Variants in GALNT13 observed in about 807,000 individuals in gnomAD.
GALNT13 encodes the protein polypeptide N-acetylgalactosaminyltransferase 13, also known as UDP-GalNAc:polypeptide N-acetylgalactosaminyltransferase 13.
A neutral mutation model predicts 64.2 loss-of-function variants in GALNT13; 28 were observed. The observed-to-expected ratio is 0.44, with a 90% CI of 0.32 to 0.60. The LOEUF is 0.60. Among genes scored for constraint, GALNT13 ranks in the 20% least tolerant of loss-of-function variants. The pLI is 0.05. For missense variants in GALNT13, 577 were observed against 669.8 expected (o/e 0.86, Z 1.53); for synonymous variants, 214 against 224.6 (o/e 0.95, Z 0.42).
the GALNT13 span, among the ~76,000 whole-genome samples, chr2:153,734,735 T>C: frequency 1.3e-5 from 2 of 152,222 alleles, no homozygotes; most frequent in Non-Finnish European, 2.9e-5. Context: ...TAGATGCAAG[T>C]GTATCCTGTG....
At chr2:153,301,320 A>AAAAAAAAAAAAAAAAG in the GALNT13 span, among the ~76,000 whole-genome samples, 10,383 of 123,786 alleles carry the variant, frequency 0.084, 784 homozygotes, top group Non-Finnish European at 0.14. Context: ...AAAAAAAAAG[A>AAAAAAAAAAAAAAAAG]AAAAAAAAAA....
intron 9 of GALNT13, among the ~76,000 whole-genome samples, chr2:154,337,810 T>C (rs1347178953): frequency 3.3e-5 from 5 of 152,058 alleles, no homozygotes; most frequent in African/African-American, 1.2e-4. Context: ...GTGGTCTTTA[T>C]GTCTGAAGAA....
chr2:154,150,078 T>C (rs1683892643), intron 4 of GALNT13, among the ~76,000 whole-genome samples: 1 of 152,194 alleles, frequency 6.6e-6, no homozygotes, highest in Non-Finnish European at 1.5e-5. Flanking sequence ...CATAGATAGC[T>C]CTTATTATTT....
chr2:153,403,754 C>T, the GALNT13 span, among the ~76,000 whole-genome samples: 8 of 152,324 alleles, frequency 5.3e-5, no homozygotes, highest in Non-Finnish European at 4.4e-5. Flanking sequence ...CCTTGCGCTT[C>T]CCAAGTGAGG....
intron 2 of GALNT13, among the ~76,000 whole-genome samples, chr2:153,915,903 A>G (rs1013728439): frequency 1.3e-5 from 2 of 152,132 alleles, no homozygotes; most frequent in Admixed American, 1.3e-4. Context: ...CTACCTACCC[A>G]TCATTACTCT....
the GALNT13 span, among the ~76,000 whole-genome samples, chr2:153,556,781 T>C: frequency 6.6e-6 from 1 of 152,214 alleles, no homozygotes; most frequent in Non-Finnish European, 1.5e-5. Flanking sequence ...CCCTGTTAGC[T>C]TAATGCAGAC....
intron 11 of GALNT13, among the ~76,000 whole-genome samples, chr2:154,421,498 A>G (rs1176412508): frequency 2.6e-5 from 4 of 152,086 alleles, no homozygotes; most frequent in African/African-American, 9.7e-5. Context: ...TATAGGTTTT[A>G]CATGCCCTAA....
chr2:154,212,136 G>A (rs1036354624), intron 4 of GALNT13, among the ~76,000 whole-genome samples: 1 of 152,118 alleles, frequency 6.6e-6, no homozygotes, highest in Non-Finnish European at 1.5e-5. Flanking sequence ...GAGAAGAAGT[G>A]GAGACAGGAA....
At chr2:153,921,555 C>A (rs1321860997) in intron 2 of GALNT13, among the ~76,000 whole-genome samples, 2 of 152,032 alleles carry the variant, frequency 1.3e-5, no homozygotes, top group African/African-American at 4.8e-5. Flanking sequence ...GTACACCAGT[C>A]CCCTGTGACA....
the GALNT13 span, among the ~76,000 whole-genome samples, chr2:153,458,480 C>G: frequency 1.3e-5 from 2 of 152,266 alleles, no homozygotes; most frequent in Admixed American, 6.5e-5. Flanking sequence ...TCACTACCCA[C>G]TCTTTCTTTT....
chr2:153,301,903 G>GTGTT, the GALNT13 span, among the ~76,000 whole-genome samples: 191 of 151,758 alleles, frequency 1.3e-3, 4 homozygotes, highest in East Asian at 0.035. Context: ...GTGTGTGTGT[G>GTGTT]TGTGTGTGTA....
chr2:153,328,330 T>C, the GALNT13 span, among the ~76,000 whole-genome samples: 1 of 152,202 alleles, frequency 6.6e-6, no homozygotes, highest in Non-Finnish European at 1.5e-5. Flanking sequence ...CCTGCAGTGC[T>C]GTGCTGGGAG....
At chr2:154,237,136 T>C (rs1330027235) in intron 4 of GALNT13, among the ~76,000 whole-genome samples, 2 of 151,928 alleles carry the variant, frequency 1.3e-5, no homozygotes, top group Admixed American at 6.6e-5. Context: ...AGACTTGTAT[T>C]CTGTGAAATG....
chr2:153,375,973 A>G, the GALNT13 span, among the ~76,000 whole-genome samples: 125,297 of 151,944 alleles, frequency 0.82, 52,581 homozygotes, highest in African/African-American at 0.91. Context: ...CTGGCCTGGG[A>G]GAGGTTCCAG....
chr2:154,115,169 T>A (rs1703216788), intron 3 of GALNT13, among the ~76,000 whole-genome samples: 1 of 152,192 alleles, frequency 6.6e-6, no homozygotes, highest in Non-Finnish European at 1.5e-5. Context: ...AGTCTTGGGA[T>A]CTCTTCCTCT....
chr2:153,737,071 C>T, the GALNT13 span, among the ~76,000 whole-genome samples: 1 of 152,188 alleles, frequency 6.6e-6, no homozygotes, highest in Non-Finnish European at 1.5e-5. Context: ...CCACTTCATC[C>T]TGTTTATGTT....
chr2:154,291,634 G>A (rs981716779), intron 8 of GALNT13, among the ~76,000 whole-genome samples: 3 of 152,240 alleles, frequency 2.0e-5, no homozygotes, highest in East Asian at 3.9e-4. Flanking sequence ...GAACCCGGCC[G>A]GCCCACGGGT....
At chr2:153,799,506 A>G in the GALNT13 span, among the ~76,000 whole-genome samples, 1 of 152,142 alleles carries the variant, frequency 6.6e-6, no homozygotes, top group Non-Finnish European at 1.5e-5. Context: ...CTCAACAATC[A>G]CCATGTCAGG....
At chr2:153,156,740 A>T in the GALNT13 span, among the ~76,000 whole-genome samples, 2 of 152,084 alleles carry the variant, frequency 1.3e-5, no homozygotes, top group South Asian at 2.1e-4. Flanking sequence ...TTAGAAACAA[A>T]CCCTGGACTA....
Sources: gnomAD v4.1 joint callset for allele counts (sites outside exome capture counted in the v4.1 genomes callset) on GRCh38, gnomAD v4.1.1 for gene constraint, MANE v1.5 for transcripts, NCBI Gene and HGNC (gene_info 2026-07-23, HGNC 2026-07-21) for gene names.